The following NLN variants were observed in gnomAD, a reference collection of about 807,000 sequenced individuals.
The protein encoded by NLN is neurolysin, mitochondrial.
Under a neutral mutation model 79.9 loss-of-function variants are expected in NLN, and 64 were observed. That is an observed-to-expected ratio of 0.80 (90% CI 0.65 to 0.99). NLN has a LOEUF of 0.99. Among genes scored for constraint, NLN ranks in the 50% least tolerant of loss-of-function variants. The pLI, the probability that NLN is intolerant of heterozygous loss-of-function variation, is 0.00. For missense variants in NLN, 835 were observed against 858.7 expected, an observed-to-expected ratio of 0.97 and a Z score of 0.34; for synonymous variants, 267 against 296.6, an observed-to-expected ratio of 0.90 and a Z score of 1.02.
intron 1 of NLN, among the ~76,000 whole-genome samples, chr5:65,735,253 A>T (rs1758706430): frequency 6.6e-6 from 1 of 152,224 alleles, no homozygotes; most frequent in Admixed American, 6.5e-5. Context: ...CTGAACTGTG[A>T]ATCAATTAAA....
chr5:65,744,532 A>T (rs1163181417), intron 1 of NLN, among the ~76,000 whole-genome samples: 2 of 149,306 alleles, frequency 1.3e-5, no homozygotes, highest in Admixed American at 1.3e-4. Context: ...GATAGATGAT[A>T]GTAACAAGTC....
intron 1 of NLN, among the ~76,000 whole-genome samples, chr5:65,727,544 A>T (rs1758505928): frequency 6.6e-6 from 1 of 152,092 alleles, no homozygotes; most frequent in African/African-American, 2.4e-5. Flanking sequence ...AACAAAAAGC[A>T]AAAAACCTCT....
rs763995791 is a variant in NLN, at chr5:65,788,283, T to C, written c.1124T>C (p.Ile375Thr). The change falls in exon 8 of 13, where the codon ATA (isoleucine) becomes ACA (threonine). Residue 375 changes from isoleucine (I) to threonine (T), a missense_variant. By Grantham distance (89) the Ile-to-Thr change is moderately conservative. Coordinates refer to ENST00000380985, the MANE Select transcript of NLN (RefSeq NM_020726.5). ...MTQTEELKYSIDQEFLKEYFP... is the reference protein window; with the variant it reads ...MTQTEELKYSTDQEFLKEYFP... The stretch of plus-strand genomic sequence containing the variant: ...CAGACAGAGGAACTCAAGTATTCCA[T>C]AGACCAAGAGTTCCTCAAGGAATAC... 3.1e-6 allele frequency: 5 copies of C among 1,614,018 alleles called. No individual in the cohort carries two copies. Among genetic ancestry groups the C allele is most frequent in the East Asian group, 4.5e-5 (2 of 44,890 alleles).
chr5:65,763,248 G>A, intron 3 of NLN, 140 bp downstream of exon 3: 2 of 672,392 alleles, frequency 3.0e-6, no homozygotes, highest in South Asian at 3.9e-5. Context: ...GCATTATATA[G>A]TATTACATAA....
At chr5:65,771,225 C>A (rs1388876463) in intron 3 of NLN, among the ~76,000 whole-genome samples, 1 of 152,214 alleles carries the variant, frequency 6.6e-6, no homozygotes, top group African/African-American at 2.4e-5. Flanking sequence ...TCCTTTTAAG[C>A]TAAAAAAATG....
At chr5:65,745,756 A>C (rs1028494334) in intron 1 of NLN, among the ~76,000 whole-genome samples, 1 of 152,156 alleles carries the variant, frequency 6.6e-6, no homozygotes, top group Non-Finnish European at 1.5e-5. Context: ...TTGATCCTGA[A>C]GTCACTGGGG....
At chr5:65,744,836 T>C (rs921524541) in intron 1 of NLN, among the ~76,000 whole-genome samples, 5 of 152,040 alleles carry the variant, frequency 3.3e-5, no homozygotes, top group Admixed American at 6.5e-5. Flanking sequence ...AATCATGCCA[T>C]TGCACTCCAG....
chr5:65,783,490 C>T (rs1020766154), intron 6 of NLN, among the ~76,000 whole-genome samples: 9 of 152,040 alleles, frequency 5.9e-5, no homozygotes, highest in African/African-American at 1.9e-4. Flanking sequence ...CCCATTGTCC[C>T]ATTGAGTATC....
Position 65,788,293 on chromosome 5 carries a change from G to T in NLN, c.1134G>T (p.Glu378Asp). Residue 378 changes from glutamate (E) to aspartate (D), a missense_variant, in exon 8 of 13, where the codon GAG (glutamate) becomes GAT (aspartate). Coordinates refer to ENST00000380985, the MANE Select transcript of NLN (RefSeq NM_020726.5). ...AACTCAAGTATTCCATAGACCAAGA[G>T]TTCCTCAAGGAATACTTCCCAATTG... ...TEELKYSIDQ[E>D]FLKEYFPIEV... is the part of the protein sequence containing the mutation. 6.2e-7 allele frequency: 1 copy of T among 1,614,032 alleles called. No homozygotes were observed. The highest frequency in any genetic ancestry group is 2.2e-5 in the East Asian group (1 of 44,890).
At position 65,809,563 on chromosome 5, in the gene NLN, G is replaced by C; in HGVS notation, c.1576G>C (p.Glu526Gln). 6.2e-7 allele frequency: 1 copy of C among 1,612,866 alleles called. No individual in the cohort carries two copies. The highest frequency in any genetic ancestry group is 8.5e-7 in the Non-Finnish European group (1 of 1,179,730). ...AACAAATGTGGAAACTGACTTTGTA[G>C]AGGTGCCATCGCAAATGCTTGAAAA... Reference protein sequence around the residue: ...SGTNVETDFVEVPSQMLENWV... With the variant: ...SGTNVETDFVQVPSQMLENWV... The change falls in exon 10 of 13, where the codon GAG becomes CAG. Residue 526 changes from glutamate to glutamine, a missense_variant. By Grantham distance (29) the Glu-to-Gln change is conservative. Coordinates refer to ENST00000380985, the MANE Select transcript of NLN (RefSeq NM_020726.5).
At chr5:65,756,342 C>G (rs1362399043) in intron 1 of NLN, among the ~76,000 whole-genome samples, 1 of 152,112 alleles carries the variant, frequency 6.6e-6, no homozygotes, top group Admixed American at 6.6e-5. Context: ...GCCTCCTTTC[C>G]CTTGACTCTC....
rs115940757 is a variant in NLN, at chr5:65,797,883, T to C, written c.1527+5228T>C. Among the ~76,000 whole-genome samples, 601 of 152,284 alleles carry C rather than the reference T, an allele frequency of 3.9e-3. 6 individuals are homozygous for C. The highest frequency in any genetic ancestry group is 0.014 in the African/African-American group (587 of 41,564). On this transcript the variant is annotated intron_variant, in intron 9 of 12. Coordinates refer to ENST00000380985, the MANE Select transcript of NLN (RefSeq NM_020726.5). Reference sequence around the variant, plus strand: ...TTGAGTGAAGATCTGTGGAAGGTGATTGGAAACCCTCACGTTTGTATTTGG... The same window carrying C: ...TTGAGTGAAGATCTGTGGAAGGTGACTGGAAACCCTCACGTTTGTATTTGG...
chr5:65,795,585 G>A (rs1372049371), intron 9 of NLN, among the ~76,000 whole-genome samples: 2 of 152,274 alleles, frequency 1.3e-5, no homozygotes, highest in East Asian at 3.9e-4. Context: ...TACTCAGGAG[G>A]CTGAGGCAGG....
intron 9 of NLN, among the ~76,000 whole-genome samples, chr5:65,800,763 C>T (rs939390650): frequency 6.6e-6 from 1 of 151,840 alleles, no homozygotes; most frequent in African/African-American, 2.4e-5. Context: ...TGGCTCACTG[C>T]AGCCTCAGCC....
In NLN at chr5:65,780,215, T is replaced by C. The variant is rs1402725381; in HGVS notation, c.595T>C (p.Cys199Arg). The change falls in exon 5 of 13, where the codon TGT becomes CGT. Residue 199 changes from cysteine to arginine, a missense_variant. Physicochemically the swap from Cys to Arg is radical, Grantham distance 180 (BLOSUM62 -3). Coordinates refer to ENST00000380985, the MANE Select transcript of NLN (RefSeq NM_020726.5). ...KSMKKRMSEL[C>R]IDFNKNLNED... Reference sequence around the variant, plus strand: ...AATGAAGAAAAGAATGAGTGAGCTATGTATTGATTTTAACAAAAACCTCAA... The same window carrying C: ...AATGAAGAAAAGAATGAGTGAGCTACGTATTGATTTTAACAAAAACCTCAA... 29 of 1,439,216 alleles carry C rather than the reference T, an allele frequency of 2.0e-5. No individual in the cohort carries two copies. The highest frequency in any genetic ancestry group is 2.7e-5 in the Non-Finnish European group (28 of 1,028,836). The allele number at this position is 1,439,216 out of a possible 1,614,324, so 89.2% of individuals were successfully genotyped here.
intron 1 of NLN, among the ~76,000 whole-genome samples, chr5:65,758,135 T>G (rs945987895): frequency 6.6e-6 from 1 of 151,602 alleles, no homozygotes; most frequent in Admixed American, 6.6e-5. Context: ...ACTTGGGAGG[T>G]TGGGGTGGGA....
intron 1 of NLN, among the ~76,000 whole-genome samples, chr5:65,735,126 A>G (rs1383940231): frequency 6.6e-6 from 1 of 152,120 alleles, no homozygotes; most frequent in African/African-American, 2.4e-5. Flanking sequence ...TGATGGTTTT[A>G]TAAGGGGCTT....
Position 65,747,818 on chromosome 5 carries a change from G to T in NLN, c.42-10749G>T, listed in dbSNP as rs181796729. ...CTTGTCACCCAAAGCACAGTTGCAGGATGTTAGTGGCAAGCTTTGCATGAG... is the reference window on the plus strand; with the variant it reads ...CTTGTCACCCAAAGCACAGTTGCAGTATGTTAGTGGCAAGCTTTGCATGAG... On this transcript the variant is annotated intron_variant, in intron 1 of 12. Transcript: ENST00000380985. 2.6e-5 allele frequency among the ~76,000 whole-genome samples: 4 copies of T among 152,306 alleles called. No homozygotes were observed. In the East Asian group the frequency reaches 7.7e-4, roughly 29 times the overall value.
chr5:65,781,018 A>G (rs998168322), intron 5 of NLN, among the ~76,000 whole-genome samples: 1 of 152,160 alleles, frequency 6.6e-6, no homozygotes, highest in African/African-American at 2.4e-5. Context: ...CCACTGAAAC[A>G]TCATTTGCAC....
Sources: gnomAD v4.1 joint callset for allele counts (sites outside exome capture counted in the v4.1 genomes callset) on GRCh38, gnomAD v4.1.1 for gene constraint, MANE v1.5 for transcripts, NCBI Gene and HGNC (gene_info 2026-07-23, HGNC 2026-07-21) for gene names.